Variants in NTM observed in about 807,000 individuals in gnomAD.
NTM encodes the protein neurotrimin, also known as IgLON family member 2.
A neutral mutation model predicts 42.1 loss-of-function variants in NTM; 13 were observed. The observed-to-expected ratio is 0.31, with a 90% CI of 0.20 to 0.49. NTM has a LOEUF of 0.49. NTM is among the 20% of genes least tolerant of loss of function. NTM has a pLI of 0.99. For synonymous variants in NTM, 187 were observed against 179.2 expected, an observed-to-expected ratio of 1.04 and a Z score of -0.35; for missense variants, 373 against 452.8, an observed-to-expected ratio of 0.82 and a Z score of 1.60.
At chr11:132,101,935 T>G (rs2136566769) in intron 2 of NTM, among the ~76,000 whole-genome samples, 1 of 152,342 alleles carries the variant, frequency 6.6e-6, no homozygotes, top group African/African-American at 2.4e-5. Flanking sequence ...CACAAAAAGC[T>G]TTCTGTAACC....
At chr11:131,737,110 G>A (rs1368723337) in intron 1 of NTM, among the ~76,000 whole-genome samples, 6 of 152,190 alleles carry the variant, frequency 3.9e-5, no homozygotes, top group Admixed American at 3.9e-4. Flanking sequence ...TCAAGGGCAG[G>A]GAGGGAATGG....
intron 1 of NTM, among the ~76,000 whole-genome samples, chr11:131,705,742 T>A (rs1243947054): frequency 2.6e-5 from 4 of 152,086 alleles, no homozygotes; most frequent in African/African-American, 4.8e-5. Context: ...AGAATTTATG[T>A]ATGCAGTTTA....
intron 3 of NTM, among the ~76,000 whole-genome samples, chr11:132,207,543 C>T (rs1566472486): frequency 6.6e-6 from 1 of 152,090 alleles, no homozygotes; most frequent in Non-Finnish European, 1.5e-5. Flanking sequence ...ATGTAATGTG[C>T]TTGAATCATC....
At chr11:131,878,569 CAAAAAAAAAAAAA>C (rs71475777) in intron 1 of NTM, among the ~76,000 whole-genome samples, 1 of 5,864 alleles carries the variant, frequency 1.7e-4, no homozygotes, top group African/African-American at 9.7e-4. Context: ...GACTCCATCT[CAAAAAAAAAAAAA>C]AAAAAAAAAA....
chr11:131,547,540 G>C (rs2054105614), intron 1 of NTM, among the ~76,000 whole-genome samples: 1 of 152,160 alleles, frequency 6.6e-6, no homozygotes, highest in Non-Finnish European at 1.5e-5. Flanking sequence ...GTGAAGTCCT[G>C]CTCTTCTTAG....
chr11:131,846,397 A>T (rs1200195183), intron 1 of NTM, among the ~76,000 whole-genome samples: 2 of 151,958 alleles, frequency 1.3e-5, no homozygotes, highest in Non-Finnish European at 2.9e-5. Flanking sequence ...CCTTTGTTTT[A>T]TATATTCTTT....
At chr11:131,965,927 G>T (rs962994274) in intron 2 of NTM, among the ~76,000 whole-genome samples, 12 of 145,684 alleles carry the variant, frequency 8.2e-5, no homozygotes, top group African/African-American at 3.0e-4. Flanking sequence ...GCAAAGGAGG[G>T]AGGGAGGGAA....
chr11:132,132,502 G>A (rs1050879523), intron 2 of NTM, among the ~76,000 whole-genome samples: 27 of 152,204 alleles, frequency 1.8e-4, no homozygotes, highest in Non-Finnish European at 3.8e-4. Context: ...AAATAAATGT[G>A]TAATGTTGAA....
chr11:132,118,862 G>A (rs551640940), intron 2 of NTM, among the ~76,000 whole-genome samples: 20 of 152,192 alleles, frequency 1.3e-4, no homozygotes, highest in Non-Finnish European at 2.1e-4. Flanking sequence ...TTGGATTCCC[G>A]GGATTTTGTG....
At chr11:131,444,966 A>G (rs1472114256) in intron 1 of NTM, among the ~76,000 whole-genome samples, 1 of 152,206 alleles carries the variant, frequency 6.6e-6, no homozygotes, top group Admixed American at 6.5e-5. Flanking sequence ...AAACTTTTCC[A>G]TAAGTAAATA....
chr11:132,221,410 G>A (rs77971157), intron 4 of NTM, among the ~76,000 whole-genome samples: 1 of 152,272 alleles, frequency 6.6e-6, no homozygotes, highest in East Asian at 1.9e-4. Flanking sequence ...AGGGAGATCA[G>A]GCTAATGGGC....
intron 1 of NTM, among the ~76,000 whole-genome samples, chr11:131,708,149 A>G (rs2076770265): frequency 6.6e-6 from 1 of 152,172 alleles, no homozygotes; most frequent in African/African-American, 2.4e-5. Flanking sequence ...AATTAAGAAA[A>G]CAATCAATGT....
chr11:131,964,203 GT>G lies in NTM; in HGVS notation c.167+52556del, dbSNP rs1447080337. ...AGACAGTTCTCAGCAGGGAAACCGC[GT>G]GTGCAGAGGCCCAGGGGTTGGTTGG... On this transcript the variant is annotated intron_variant, in intron 2 of 8. Coordinates refer to ENST00000683400, the MANE Select transcript of NTM (RefSeq NM_001352005.2). Among the ~76,000 whole-genome samples, 3 of 152,140 alleles carry G rather than the reference GT, an allele frequency of 2.0e-5. No individual in the cohort carries two copies. In the East Asian group the frequency reaches 5.8e-4, roughly 29 times the overall value.
intron 1 of NTM, among the ~76,000 whole-genome samples, chr11:131,472,744 G>A (rs1354507840): frequency 1.3e-5 from 2 of 152,104 alleles, no homozygotes; most frequent in Non-Finnish European, 2.9e-5. Context: ...ATAGCCCTCT[G>A]AGGTAGTATT....
intron 1 of NTM, among the ~76,000 whole-genome samples, chr11:131,396,870 A>G (rs1944621970): frequency 6.6e-6 from 1 of 152,108 alleles, no homozygotes; most frequent in Non-Finnish European, 1.5e-5. Context: ...GTGAACACCA[A>G]TTCTGTTATT....
intron 1 of NTM, among the ~76,000 whole-genome samples, chr11:131,760,321 A>G (rs1417132342): frequency 6.6e-6 from 1 of 152,112 alleles, no homozygotes; most frequent in East Asian, 1.9e-4. Context: ...TTCTGTTCCC[A>G]GTGGTGGGTC....
Position 131,789,926 on chromosome 11 carries a change from A to C in NTM, c.83-121638A>C, listed in dbSNP as rs190125582. On this transcript the variant is annotated intron_variant, in intron 1 of 8. Coordinates refer to ENST00000683400, the MANE Select transcript of NTM (RefSeq NM_001352005.2). ...AGCCGAGATCGCGCCACTGCACTCC[A>C]GCCTGGGCGACAGAGCGAGACTCCG... Among the ~76,000 whole-genome samples the C allele has an allele frequency of 3.1e-3, 426 of 135,582 alleles. 21 individuals carry two copies. The East Asian group carries it at 0.088, about 28-fold the overall frequency. 88.9% of individuals were successfully genotyped at this position (135,582 alleles called of 152,430 possible). A position where few individuals can be genotyped will look rare whatever the true frequency, so the allele number is the denominator to read the frequency against.
At chr11:131,508,769 G>T (rs1374562488) in intron 1 of NTM, among the ~76,000 whole-genome samples, 2 of 140,814 alleles carry the variant, frequency 1.4e-5, no homozygotes, top group Non-Finnish European at 3.1e-5. Flanking sequence ...ATCATTCTCA[G>T]TAAACTATCG....
At chr11:131,492,368 C>T (rs1308336958) in intron 1 of NTM, among the ~76,000 whole-genome samples, 1 of 150,686 alleles carries the variant, frequency 6.6e-6, no homozygotes, top group Non-Finnish European at 1.5e-5. Flanking sequence ...TTCATTTTCT[C>T]ACATTGTGTA....
Sources: gnomAD v4.1 joint callset for allele counts (sites outside exome capture counted in the v4.1 genomes callset) on GRCh38, gnomAD v4.1.1 for gene constraint, MANE v1.5 for transcripts, NCBI Gene and HGNC (gene_info 2026-07-23, HGNC 2026-07-21) for gene names.